Variants in JPH1 observed in about 807,000 individuals in gnomAD.
JPH1 encodes the protein junctophilin-1.
In JPH1, 12 loss-of-function variants were observed where a neutral mutation model predicts 53.6. That is an observed-to-expected ratio of 0.22 (90% CI 0.14 to 0.36). The LOEUF is 0.36. Among genes scored for constraint, JPH1 ranks in the 10% least tolerant of loss-of-function variants. The probability of loss-of-function intolerance (pLI) is 1.00; values close to 1 mark genes in which losing one functional copy is unlikely to be tolerated. For synonymous variants in JPH1, 375 were observed against 363.8 expected, an observed-to-expected ratio of 1.03 and a Z score of -0.35; for missense variants, 808 against 905.5, an observed-to-expected ratio of 0.89 and a Z score of 1.38.
chr8:74,268,383 T>C (rs1048138176), intron 2 of JPH1, among the ~76,000 whole-genome samples: 2 of 152,120 alleles, frequency 1.3e-5, no homozygotes, highest in African/African-American at 4.8e-5. Flanking sequence ...GTGGCTTTGA[T>C]GCAGGGTTGG....
rs569644974 is a variant in JPH1 at position 74,260,029 on chromosome 8, T to C, written c.1140-526A>G. Among the ~76,000 whole-genome samples, 3 of 152,306 alleles carry C rather than the reference T, an allele frequency of 2.0e-5. No homozygotes were observed. The East Asian group carries it at 5.8e-4, about 29-fold the overall frequency. ...TATCCATGTGTAAATGTTCTCACCG[T>C]GGCCAATTTCAGGCTACCAGCATAA... On this transcript the variant is annotated intron_variant, in intron 2 of 5. Transcript: ENST00000342232.
intron 3 of JPH1, among the ~76,000 whole-genome samples, chr8:74,253,058 G>A (rs1290262427): frequency 2.0e-5 from 3 of 152,032 alleles, no homozygotes; most frequent in Non-Finnish European, 4.4e-5. Flanking sequence ...GACATCTACA[G>A]AACTCTCCAC....
chr8:74,269,230 A>G (rs1376430272), intron 2 of JPH1, among the ~76,000 whole-genome samples: 5 of 152,236 alleles, frequency 3.3e-5, no homozygotes, highest in Admixed American at 3.3e-4. Context: ...CAGTATGAAC[A>G]TGAACTTGCT....
At chr8:74,289,659 G>A (rs775925114) in intron 2 of JPH1, among the ~76,000 whole-genome samples, 24 of 152,224 alleles carry the variant, frequency 1.6e-4, no homozygotes, top group Admixed American at 8.5e-4. Context: ...TGATGCTGCC[G>A]CATGGATAAG....
chr8:74,256,050 G>A (rs1395540014), intron 3 of JPH1, among the ~76,000 whole-genome samples: 1 of 152,062 alleles, frequency 6.6e-6, no homozygotes, highest in Non-Finnish European at 1.5e-5. Context: ...GGGTATATAC[G>A]CAAAGGATTA....
At chr8:74,261,353 G>A (rs192723513) in intron 2 of JPH1, among the ~76,000 whole-genome samples, 243 of 152,274 alleles carry the variant, frequency 1.6e-3, no homozygotes, top group Non-Finnish European at 2.1e-3. Context: ...GAGAGGAGGT[G>A]TATGGGAACT....
intron 3 of JPH1, 48 bp downstream of exon 3, chr8:74,259,337 G>A: frequency 7.2e-7 from 1 of 1,381,254 alleles, no homozygotes; most frequent in South Asian, 1.2e-5. Context: ...ATAAAAGCAA[G>A]CCAAAGCCAG....
chr8:74,265,869 A>G (rs1208663851), intron 2 of JPH1, among the ~76,000 whole-genome samples: 1 of 152,168 alleles, frequency 6.6e-6, no homozygotes, highest in Non-Finnish European at 1.5e-5. Context: ...AAAGACATTC[A>G]GCATCATTAA....
chr8:74,284,833 T>C (rs938578773), intron 2 of JPH1, among the ~76,000 whole-genome samples: 2 of 151,578 alleles, frequency 1.3e-5, no homozygotes, highest in African/African-American at 2.4e-5. Flanking sequence ...TTCTTTCTTT[T>C]TTTTTTTTTC....
At chr8:74,242,359 C>T (rs995955786) in intron 4 of JPH1, among the ~76,000 whole-genome samples, 1 of 152,180 alleles carries the variant, frequency 6.6e-6, no homozygotes, top group Admixed American at 6.5e-5. Flanking sequence ...CTCATTTAAT[C>T]TTCACAACAA....
At position 74,270,540 on chromosome 8, in the gene JPH1, C is replaced by T. The variant is rs186937312; in HGVS notation, c.1140-11037G>A. ...CAGGGTGACTCGTTTCTGTTTAGTA[C>T]CCTTAAAGAAAAGTAACACTTTGGT... On this transcript the variant is annotated intron_variant, in intron 2 of 5. Coordinates refer to ENST00000342232, the MANE Select transcript of JPH1 (RefSeq NM_020647.4). Among the ~76,000 whole-genome samples the T allele has an allele frequency of 3.3e-5, 5 of 152,216 alleles. No homozygotes were observed. The East Asian group carries it at 9.6e-4, about 29-fold the overall frequency.
At chr8:74,300,026 T>C (rs925083763) in intron 2 of JPH1, among the ~76,000 whole-genome samples, 1 of 152,256 alleles carries the variant, frequency 6.6e-6, no homozygotes, top group Non-Finnish European at 1.5e-5. Context: ...TAGTGACTAC[T>C]TACTCTAGAA....
chr8:74,242,108 C>T (rs1397355121), intron 4 of JPH1, among the ~76,000 whole-genome samples: 1 of 152,152 alleles, frequency 6.6e-6, no homozygotes. Context: ...AGCCTCCCTT[C>T]TCCTACCTCT....
chr8:74,261,102 A>C (rs1420607696), intron 2 of JPH1, among the ~76,000 whole-genome samples: 1 of 152,194 alleles, frequency 6.6e-6, no homozygotes, highest in African/African-American at 2.4e-5. Flanking sequence ...TGTAGTAGGG[A>C]AGAATGAATT....
intron 3 of JPH1, among the ~76,000 whole-genome samples, chr8:74,250,932 C>T (rs1806029771): frequency 6.6e-6 from 1 of 152,180 alleles, no homozygotes; most frequent in African/African-American, 2.4e-5. Context: ...ACTACCAGTA[C>T]ATGCTCTCCT....
chr8:74,242,342 G>A (rs894873699), intron 4 of JPH1, among the ~76,000 whole-genome samples: 1 of 152,152 alleles, frequency 6.6e-6, no homozygotes, highest in Non-Finnish European at 1.5e-5. Context: ...AACTTTTAAA[G>A]TATTGACTCA....
At chr8:74,251,654 T>C (rs1237522228) in intron 3 of JPH1, among the ~76,000 whole-genome samples, 3 of 152,168 alleles carry the variant, frequency 2.0e-5, no homozygotes, top group Non-Finnish European at 4.4e-5. Context: ...AATCTACATA[T>C]AATCTACTAG....
At chr8:74,307,865 T>G (rs16938865) in intron 2 of JPH1, among the ~76,000 whole-genome samples, 9,508 of 152,274 alleles carry the variant, frequency 0.062, 1,008 homozygotes, top group African/African-American at 0.22. Flanking sequence ...TCCTGGCCCT[T>G]TATAATAACT....
intron 2 of JPH1, among the ~76,000 whole-genome samples, chr8:74,276,824 A>G (rs1278895398): frequency 3.3e-5 from 5 of 152,236 alleles, no homozygotes; most frequent in African/African-American, 1.2e-4. Flanking sequence ...TAAAAGATGA[A>G]CATTTTCTTC....
Sources: gnomAD v4.1 joint callset for allele counts (sites outside exome capture counted in the v4.1 genomes callset) on GRCh38, gnomAD v4.1.1 for gene constraint, MANE v1.5 for transcripts, NCBI Gene and HGNC (gene_info 2026-07-23, HGNC 2026-07-21) for gene names.